The following ZNF793 variants were observed in gnomAD, a reference collection of about 807,000 sequenced individuals.
ZNF793 encodes zinc finger protein 793.
A neutral mutation model predicts 12.4 loss-of-function variants in ZNF793; 5 were observed. The ratio of observed to expected loss-of-function variants is 0.40; its 90% CI spans 0.21 to 0.84. ZNF793 has a LOEUF of 0.84. ZNF793 is among the 40% of genes least tolerant of loss of function. The pLI is 0.35. For missense variants in ZNF793, 456 were observed against 495.0 expected, an observed-to-expected ratio of 0.92 and a Z score of 0.75; for synonymous variants, 162 against 172.4, an observed-to-expected ratio of 0.94 and a Z score of 0.47.
chr19:37,509,524 C>T (rs2147052015), intron 2 of ZNF793, among the ~76,000 whole-genome samples: 1 of 152,216 alleles, frequency 6.6e-6, no homozygotes, highest in East Asian at 1.9e-4. Flanking sequence ...TCTTTCAGAA[C>T]CCACATAGGT....
At chr19:37,507,029 A>G (rs887287297) in intron 1 of ZNF793, 63 bp downstream of exon 1, 1 of 152,352 alleles carries the variant, frequency 6.6e-6, no homozygotes, top group Non-Finnish European at 1.5e-5. Flanking sequence ...ATAAATGGGA[A>G]GGCACGGTTT....
At chr19:37,525,079 G>C (rs1258348683) in intron 5 of ZNF793, among the ~76,000 whole-genome samples, 1 of 151,900 alleles carries the variant, frequency 6.6e-6, no homozygotes, top group Non-Finnish European at 1.5e-5. Context: ...ATAATGGAAG[G>C]AAATGCTGCA....
In ZNF793 at chr19:37,541,229, A is replaced by AT. The variant is rs1244388607; in HGVS notation, c.*3352dup. On this transcript the variant is annotated 3_prime_UTR_variant, in exon 8 of 8. Coordinates refer to ENST00000627814, the MANE Select transcript of ZNF793 (RefSeq NM_001013659.3). Reference sequence around the variant, plus strand: ...TTAATCTTAAAGGAAGAAAATTTGGATTAACAGCACAAAAATAAATTCTGG... The same window carrying AT: ...TTAATCTTAAAGGAAGAAAATTTGGATTTAACAGCACAAAAATAAATTCTGG... 6.6e-6 allele frequency: 1 copy of AT among 152,210 alleles called. No individual in the cohort carries two copies. Among genetic ancestry groups the AT allele is most frequent in the Non-Finnish European group, 1.5e-5 (1 of 68,022 alleles). The allele number at this position is 152,210 out of a possible 1,614,324, so 9.4% of individuals were successfully genotyped here.
At chr19:37,518,115 CATTATTATT>C (rs544791122) in intron 2 of ZNF793, among the ~76,000 whole-genome samples, 2 of 151,096 alleles carry the variant, frequency 1.3e-5, no homozygotes, top group Non-Finnish European at 3.0e-5. Context: ...TACACCACTC[CATTATTATT>C]ATTATTATTA....
chr19:37,533,422 G>A lies in ZNF793; in HGVS notation c.238+19G>A. 1.2e-6 allele frequency: 2 copies of A among 1,608,194 alleles called. No homozygotes were observed. The highest frequency in any genetic ancestry group is 1.7e-6 in the Non-Finnish European group (2 of 1,174,768). ...TGTTGGGGTAAGTGTGATAAATCTA[G>A]CAAAAGGGGTACTGAAGGAGGCTGG... On this transcript the variant is annotated intron_variant, in intron 7 of 7. Coordinates refer to ENST00000627814, the MANE Select transcript of ZNF793 (RefSeq NM_001013659.3).
intron 2 of ZNF793, among the ~76,000 whole-genome samples, chr19:37,509,547 T>G (rs1260624027): frequency 6.6e-6 from 1 of 152,158 alleles, no homozygotes; most frequent in African/African-American, 2.4e-5. Flanking sequence ...AATTTTAGTT[T>G]TAAAAGCAGA....
At chr19:37,530,170 A>G (rs1012160330) in intron 5 of ZNF793, among the ~76,000 whole-genome samples, 14 of 152,266 alleles carry the variant, frequency 9.2e-5, no homozygotes, top group South Asian at 2.1e-4. Context: ...TGTTGCCCGC[A>G]TGTCCCACCT....
intron 5 of ZNF793, among the ~76,000 whole-genome samples, chr19:37,529,546 A>G (rs1405340327): frequency 2.0e-5 from 3 of 152,072 alleles, no homozygotes; most frequent in Non-Finnish European, 4.4e-5. Flanking sequence ...AGGGTAGAGT[A>G]CAGTGGCACT....
chr19:37,529,947 C>T (rs1600417680), intron 5 of ZNF793, among the ~76,000 whole-genome samples: 1 of 151,644 alleles, frequency 6.6e-6, no homozygotes, highest in African/African-American at 2.4e-5. Flanking sequence ...ACGGAGGATC[C>T]CGCCAGCCTC....
chr19:37,516,793 T>G (rs2042336037), intron 2 of ZNF793, among the ~76,000 whole-genome samples: 1 of 152,072 alleles, frequency 6.6e-6, no homozygotes, highest in Non-Finnish European at 1.5e-5. Context: ...ACTACAGGTG[T>G]GACCACCACA....
intron 2 of ZNF793, among the ~76,000 whole-genome samples, chr19:37,515,185 G>A (rs1000071103): frequency 3.3e-5 from 5 of 152,208 alleles, no homozygotes; most frequent in African/African-American, 1.2e-4. Context: ...ATTTGTAGAT[G>A]AAATAATTGT....
intron 4 of ZNF793, among the ~76,000 whole-genome samples, chr19:37,523,005 A>T (rs2042387081): frequency 6.6e-6 from 1 of 152,180 alleles, no homozygotes; most frequent in Non-Finnish European, 1.5e-5. Flanking sequence ...GATAAAGGGT[A>T]TTTATTTGTT....
chr19:37,506,797 T>C (rs966878215), upstream of ZNF793: 3 of 152,252 alleles, frequency 2.0e-5, no homozygotes, highest in African/African-American at 7.2e-5. Context: ...GTTTTAAACA[T>C]GGCCGCCCCA....
At chr19:37,518,691 C>T (rs969454408) in intron 2 of ZNF793, among the ~76,000 whole-genome samples, 2 of 150,900 alleles carry the variant, frequency 1.3e-5, no homozygotes, top group Admixed American at 6.6e-5. Flanking sequence ...TCCTCCTACT[C>T]GGGAGGCTGA....
intron 3 of ZNF793, among the ~76,000 whole-genome samples, chr19:37,520,584 CAG>C (rs1321008918): frequency 2.6e-5 from 4 of 152,186 alleles, no homozygotes; most frequent in East Asian, 3.9e-4. Context: ...TCCAGGAAGA[CAG>C]AGTGAAGGGA....
chr19:37,507,255 G>A (rs1240149339), intron 1 of ZNF793: 2 of 152,740 alleles, frequency 1.3e-5, no homozygotes, highest in East Asian at 1.9e-4. Context: ...GGAGTGTGTG[G>A]GAATCAATAA....
At chr19:37,534,980 A>C (rs2042493245) in intron 7 of ZNF793, 1 of 151,868 alleles carries the variant, frequency 6.6e-6, no homozygotes, top group South Asian at 2.0e-4. Context: ...CACCATGCCC[A>C]GTCCTTCTCC....
intron 5 of ZNF793, among the ~76,000 whole-genome samples, chr19:37,526,258 G>T (rs1449461632): frequency 6.6e-6 from 1 of 152,124 alleles, no homozygotes; most frequent in East Asian, 1.9e-4. Flanking sequence ...GACTATAGGC[G>T]CATGCCACTA....
At chr19:37,525,849 A>G (rs2042411825) in intron 5 of ZNF793, among the ~76,000 whole-genome samples, 2 of 152,184 alleles carry the variant, frequency 1.3e-5, no homozygotes, top group Non-Finnish European at 2.9e-5. Flanking sequence ...CATTTAAATG[A>G]CTGTCATTCT....
Sources: gnomAD v4.1 joint callset for allele counts (sites outside exome capture counted in the v4.1 genomes callset) on GRCh38, gnomAD v4.1.1 for gene constraint, MANE v1.5 for transcripts, NCBI Gene and HGNC (gene_info 2026-07-23, HGNC 2026-07-21) for gene names.